ZC3H13: variants seen among roughly 807,000 people sequenced by gnomAD.
The protein encoded by ZC3H13 is zinc finger CCCH-type containing 13, also known as zinc finger CCCH domain-containing protein 13.
In ZC3H13, 64 loss-of-function variants were observed where a neutral mutation model predicts 204.1. The observed-to-expected ratio is 0.31, with a 90% CI of 0.26 to 0.39. The LOEUF (loss-of-function observed/expected upper bound fraction) is 0.39. Ranked by LOEUF, ZC3H13 falls within the 10% of genes least tolerant of loss-of-function variation. The pLI is 1.00. For synonymous variants in ZC3H13, 667 were observed against 693.7 expected, an observed-to-expected ratio of 0.96 and a Z score of 0.60; for missense variants, 1,833 against 2,082.7, an observed-to-expected ratio of 0.88 and a Z score of 2.33.
chr13:46,044,933 C>T (rs116151828), intron 3 of ZC3H13, 22 bp downstream of exon 3: 24,511 of 1,570,456 alleles, frequency 0.016, 243 homozygotes, highest in Middle Eastern at 0.061. Flanking sequence ...AGTACATGAA[C>T]AATACAAAGT....
chr13:45,975,794 C>G lies in ZC3H13; in HGVS notation c.1957G>C (p.Glu653Gln), dbSNP rs1451461969. The change falls in exon 12 of 19, where the codon GAG (glutamate) becomes CAG (glutamine). Residue 653 changes from glutamate to glutamine, a missense_variant. Glu to Gln is a conservative substitution (Grantham distance 29). Around this residue, in one of 5 missense-constraint regions of ZC3H13, gnomAD observed 1,574 missense variants for 1,757.2 expected, o/e 0.90. Coordinates refer to ENST00000679008, the MANE Select transcript of ZC3H13 (RefSeq NM_001330564.2). Reference sequence around the variant, plus strand: ...TCTCTTCTTTCATCACGCTCAAGCTCGTCATTCCTTCCCTGATGTCGAATT... The same window carrying G: ...TCTCTTCTTTCATCACGCTCAAGCTGGTCATTCCTTCCCTGATGTCGAATT... ...SPIRHQGRNDELERDERREER... is the reference protein window; with the variant it reads ...SPIRHQGRNDQLERDERREER... The G allele has an allele frequency of 6.2e-7, 1 of 1,613,656 alleles. No homozygotes were observed. The highest frequency in any genetic ancestry group is 2.2e-5 in the East Asian group (1 of 44,866).
intron 8 of ZC3H13, among the ~76,000 whole-genome samples, chr13:46,000,845 T>C (rs998470948): frequency 9.2e-5 from 14 of 152,224 alleles, no homozygotes; most frequent in Non-Finnish European, 2.1e-4. Flanking sequence ...TAAGAGACTC[T>C]TCCTTTCTAC....
intron 3 of ZC3H13, among the ~76,000 whole-genome samples, chr13:46,042,793 T>TAAA (rs2043681142): frequency 6.6e-6 from 1 of 151,962 alleles, no homozygotes; most frequent in Non-Finnish European, 1.5e-5. Flanking sequence ...GCAACATCAA[T>TAAA]AACTGAGAAA....
At chr13:45,976,807 C>T (rs550328462) in intron 11 of ZC3H13, among the ~76,000 whole-genome samples, 1 of 152,244 alleles carries the variant, frequency 6.6e-6, no homozygotes, top group African/African-American at 2.4e-5. Context: ...TATATATCTA[C>T]TGGTTTTTGA....
At chr13:45,988,715 T>G in intron 9 of ZC3H13, 72 bp downstream of exon 9, 5 of 1,501,156 alleles carry the variant, frequency 3.3e-6, no homozygotes, top group Non-Finnish European at 4.5e-6. Flanking sequence ...AAAGTCTTTC[T>G]CCATCTCTTA....
At chr13:45,982,930 G>A (rs546170606) in intron 10 of ZC3H13, among the ~76,000 whole-genome samples, 8 of 152,212 alleles carry the variant, frequency 5.3e-5, no homozygotes, top group African/African-American at 1.2e-4. Context: ...CTCAATTTAC[G>A]TGTACCTAAT....
At chr13:46,013,190 C>A (rs1338294850) in intron 5 of ZC3H13, among the ~76,000 whole-genome samples, 1 of 152,014 alleles carries the variant, frequency 6.6e-6, no homozygotes, top group Non-Finnish European at 1.5e-5. Flanking sequence ...CCGAGGAGGG[C>A]GGATCATCAG....
chr13:46,038,183 C>CATGTTATCATTTTTATAACGTCCACAT (rs3063671), intron 4 of ZC3H13, among the ~76,000 whole-genome samples: 14 of 151,928 alleles, frequency 9.2e-5, no homozygotes, highest in African/African-American at 3.4e-4. Flanking sequence ...CTCACGTCCA[C>CATGTTATCATTTTTATAACGTCCACAT]GTTATCATTT....
intron 8 of ZC3H13, among the ~76,000 whole-genome samples, chr13:45,991,813 T>C (rs150828889): frequency 1.3e-5 from 2 of 152,306 alleles, no homozygotes; most frequent in Admixed American, 1.3e-4. Context: ...AATCAAACAC[T>C]TTTTAGTGCT....
chr13:46,034,195 G>A (rs981378655), intron 4 of ZC3H13, among the ~76,000 whole-genome samples: 4 of 152,132 alleles, frequency 2.6e-5, no homozygotes, highest in Admixed American at 6.6e-5. Flanking sequence ...ATTCAGTGTA[G>A]GTGGAGATGC....
chr13:46,010,256 G>A (rs2041454170), intron 7 of ZC3H13, 92 bp downstream of exon 7: 1 of 1,253,786 alleles, frequency 8.0e-7, no homozygotes, highest in Non-Finnish European at 1.1e-6. Context: ...AATATAAAAT[G>A]TACTAAAAGT....
intron 8 of ZC3H13, among the ~76,000 whole-genome samples, chr13:45,998,512 G>C (rs1234025932): frequency 6.6e-6 from 1 of 151,944 alleles, no homozygotes; most frequent in Non-Finnish European, 1.5e-5. Context: ...AGCTGGGCGT[G>C]GTGGTGGGCG....
intron 4 of ZC3H13, among the ~76,000 whole-genome samples, chr13:46,032,988 A>AAT (rs34426205): frequency 0.11 from 16,814 of 151,852 alleles, 1,186 homozygotes; most frequent in East Asian, 0.29. Flanking sequence ...GTAAATATTA[A>AAT]ATATATATAT....
In ZC3H13 at chr13:45,969,454, G is replaced by A. The variant is rs765026710; in HGVS notation, c.3090C>T (p.Gly1030=). 41 of 1,613,470 alleles carry A rather than the reference G, an allele frequency of 2.5e-5. No homozygotes were observed. Among genetic ancestry groups the A allele is most frequent in the Non-Finnish European group, 3.3e-5 (39 of 1,179,918 alleles). The change falls in exon 14 of 19, where the codon GGC becomes GGT. Residue 1030 remains glycine (G), a synonymous_variant. Transcript: ENST00000679008. ...EAAQQSKKKR[G]PRTPPITTKE... ...TAGTTGTTATAGGGGGAGTCCGTGGGCCTCTTTTCTTCTTACTTTGCTGGG... is the reference window on the plus strand; with the variant it reads ...TAGTTGTTATAGGGGGAGTCCGTGGACCTCTTTTCTTCTTACTTTGCTGGG...
intron 15 of ZC3H13, among the ~76,000 whole-genome samples, chr13:45,966,260 T>A (rs1296887797): frequency 6.6e-6 from 1 of 152,170 alleles, no homozygotes; most frequent in South Asian, 2.1e-4. Context: ...ATATGCTTTA[T>A]GGGTATGAAT....
chr13:46,045,642 ATT>A, intron 1 of ZC3H13, 126 bp from the exon 2 acceptor site: 1 of 682,880 alleles, frequency 1.5e-6, no homozygotes, highest in African/African-American at 1.8e-5. Flanking sequence ...TCCTTGGGAG[ATT>A]AAAAAAAAAA....
At chr13:46,002,575 A>G (rs1481572725) in intron 8 of ZC3H13, among the ~76,000 whole-genome samples, 1 of 152,176 alleles carries the variant, frequency 6.6e-6, no homozygotes, top group Non-Finnish European at 1.5e-5. Flanking sequence ...ATACAATCAA[A>G]TATTATTCAG....
chr13:46,014,531 CT>C (rs1223156816), intron 5 of ZC3H13, among the ~76,000 whole-genome samples: 1 of 152,122 alleles, frequency 6.6e-6, no homozygotes, highest in African/African-American at 2.4e-5. Flanking sequence ...TATATTTAAC[CT>C]TTTTCCAATG....
In ZC3H13 at chr13:45,983,707, G is replaced by T. The variant is rs546205514; in HGVS notation, c.1720+1590C>A. Among the ~76,000 whole-genome samples, 4 of 151,716 alleles carry T rather than the reference G, an allele frequency of 2.6e-5. No individual in the cohort carries two copies. The East Asian group carries it at 5.8e-4, about 22-fold the overall frequency. On this transcript the variant is annotated intron_variant, in intron 10 of 18. Transcript: ENST00000679008. ...CTCCCAAAGTGCTGGGATTACAGGC[G>T]TGAGCCACCGCGCCCGGCCCCTTCT...
Sources: gnomAD v4.1 joint callset for allele counts (sites outside exome capture counted in the v4.1 genomes callset) on GRCh38, gnomAD v4.1.1 for gene constraint, gnomAD v4.1.1 regional missense constraint, MANE v1.5 for transcripts, NCBI Gene and HGNC (gene_info 2026-07-23, HGNC 2026-07-21) for gene names.